Variants in RPH3AL observed in about 807,000 individuals in gnomAD.
The protein encoded by RPH3AL is rab effector Noc2.
Under a neutral mutation model 43.1 loss-of-function variants are expected in RPH3AL, and 38 were observed. That is an observed-to-expected ratio of 0.88 (90% confidence interval 0.68 to 1.15). The LOEUF is 1.15. Ranked by LOEUF, RPH3AL falls within the 50% of genes most tolerant of loss-of-function variation. RPH3AL has a pLI of 0.00. For synonymous variants in RPH3AL, 189 were observed against 176.3 expected (o/e 1.07, Z -0.57); for missense variants, 462 against 423.2 (o/e 1.09, Z -0.81).
At chr17:263,384 G>C (rs1049839599) in intron 6 of RPH3AL, among the ~76,000 whole-genome samples, 1 of 152,174 alleles carries the variant, frequency 6.6e-6, no homozygotes, top group Non-Finnish European at 1.5e-5. Context: ...GCATGGCCAG[G>C]AGTCAATAGA....
chr17:219,965 G>A (rs1264054544), intron 7 of RPH3AL, among the ~76,000 whole-genome samples: 2 of 152,284 alleles, frequency 1.3e-5, no homozygotes, highest in East Asian at 1.9e-4. Flanking sequence ...CTGGGCTCAG[G>A]CTGACCAGCA....
intron 6 of RPH3AL, among the ~76,000 whole-genome samples, chr17:262,708 G>A (rs548583993): frequency 2.6e-5 from 4 of 152,092 alleles, no homozygotes; most frequent in Admixed American, 2.0e-4. Flanking sequence ...ACCATCAAAC[G>A]AATCCTAAGC....
intron 6 of RPH3AL, among the ~76,000 whole-genome samples, chr17:260,060 CCGTGCCACCCTGAG>C (rs2042163996): frequency 6.6e-6 from 1 of 152,202 alleles, no homozygotes; most frequent in African/African-American, 2.4e-5. Flanking sequence ...ACTCCCTCTC[CCGTGCCACCCTGAG>C]AGTGCACCTG....
intron 6 of RPH3AL, among the ~76,000 whole-genome samples, chr17:251,600 C>A (rs1407397622): frequency 1.3e-5 from 2 of 152,248 alleles, no homozygotes; most frequent in Non-Finnish European, 2.9e-5. Flanking sequence ...CCCTTAGTGT[C>A]CTACAGGCAG....
chr17:216,839 C>T (rs1406940108), intron 8 of RPH3AL, among the ~76,000 whole-genome samples: 3 of 152,108 alleles, frequency 2.0e-5, no homozygotes, highest in Non-Finnish European at 4.4e-5. Flanking sequence ...ATCATGATCA[C>T]CTAGTAATGT....
At chr17:247,538 T>G (rs1046171310) in intron 6 of RPH3AL, 1 of 462,064 alleles carries the variant, frequency 2.2e-6, no homozygotes, top group Non-Finnish European at 3.8e-6. Flanking sequence ...CAGGCTGGAG[T>G]GCAGTGGTGC....
At chr17:292,566 C>T (rs1308248311) in intron 5 of RPH3AL, among the ~76,000 whole-genome samples, 1 of 152,136 alleles carries the variant, frequency 6.6e-6, no homozygotes, top group African/African-American at 2.4e-5. Flanking sequence ...ACCTGGGATG[C>T]GAACCCTGTT....
chr17:330,179 TCCAGGC>T (rs1033309015), intron 2 of RPH3AL, among the ~76,000 whole-genome samples: 2 of 152,108 alleles, frequency 1.3e-5, no homozygotes, highest in Non-Finnish European at 2.9e-5. Context: ...CCACACAGGG[TCCAGGC>T]CACAACCTTA....
At chr17:271,391 A>T (rs1467447708) in intron 6 of RPH3AL, among the ~76,000 whole-genome samples, 2 of 152,172 alleles carry the variant, frequency 1.3e-5, no homozygotes, top group Non-Finnish European at 2.9e-5. Flanking sequence ...CACAATATTG[A>T]TTCTTCCTAT....
In RPH3AL at chr17:333,257, G is replaced by T. The variant is rs1460749097; in HGVS notation, c.-37+502C>A. ...CACTGCAGACATCACTGCAGACACAGAGACGGCCATTATGCAGCCTCACGT... is the reference window on the plus strand; with the variant it reads ...CACTGCAGACATCACTGCAGACACATAGACGGCCATTATGCAGCCTCACGT... On this transcript the variant is annotated intron_variant, in intron 2 of 9. Coordinates refer to ENST00000331302, the MANE Select transcript of RPH3AL (RefSeq NM_006987.4). The surrounding 1 kb of genome is among the most constrained non-coding windows in gnomAD (Gnocchi z 4.5). 1 of 1,286,878 alleles carries T rather than the reference G, an allele frequency of 7.8e-7. No individual in the cohort carries two copies. Among genetic ancestry groups the T allele is most frequent in the Non-Finnish European group, 1.0e-6 (1 of 988,484 alleles). The allele number at this position is 1,286,878 out of a possible 1,614,324, so 79.7% of individuals were successfully genotyped here.
At chr17:315,326 T>G (rs62053757) in intron 5 of RPH3AL, among the ~76,000 whole-genome samples, 351 of 39,300 alleles carry the variant, frequency 8.9e-3, no homozygotes, top group Admixed American at 0.029. Context: ...TGACCCCACC[T>G]CCACTGACCT....
chr17:317,808 A>G (rs2044333942), intron 5 of RPH3AL, among the ~76,000 whole-genome samples: 2 of 152,070 alleles, frequency 1.3e-5, no homozygotes, highest in South Asian at 2.1e-4. Context: ...TGCCCCTGAA[A>G]ATGCCCTCAA....
At chr17:252,345 G>C (rs2041925675) in intron 6 of RPH3AL, among the ~76,000 whole-genome samples, 1 of 152,076 alleles carries the variant, frequency 6.6e-6, no homozygotes, top group African/African-American at 2.4e-5. Flanking sequence ...AAAGTAAAAT[G>C]AAACTAGGCC....
rs149963505 is a variant in RPH3AL, at chr17:262,850, T to A, written c.439-15565A>T. Among the ~76,000 whole-genome samples the A allele has an allele frequency of 1.6e-4, 25 of 152,256 alleles. No individual in the cohort carries two copies. In the East Asian group the frequency reaches 4.8e-3, roughly 30 times the overall value. On this transcript the variant is annotated intron_variant, in intron 6 of 9. Transcript: ENST00000331302. ...TATGCCACAAAGCCTGCAGGGTTATTCAGTCCGACCCCACTTTGCTTTCCC... is the reference window on the plus strand; with the variant it reads ...TATGCCACAAAGCCTGCAGGGTTATACAGTCCGACCCCACTTTGCTTTCCC...
intron 5 of RPH3AL, among the ~76,000 whole-genome samples, chr17:284,148 C>T (rs993927336): frequency 2.0e-5 from 3 of 152,056 alleles, no homozygotes; most frequent in Admixed American, 1.3e-4. Context: ...CTGAACGAGG[C>T]GATGCTGCGG....
chr17:307,295 TCCCACGGCAGGTCCTC>T (rs70954496), intron 5 of RPH3AL, among the ~76,000 whole-genome samples: 86,579 of 96,496 alleles, frequency 0.9, 38,752 homozygotes, highest in Non-Finnish European at 0.95. Context: ...GGCAGGTCCA[TCCCACGGCAGGTCCTC>T]CCCACGGCAG....
At chr17:324,700 TAGCTATGTAC>T (rs1567524380) in intron 3 of RPH3AL, among the ~76,000 whole-genome samples, 1 of 143,114 alleles carries the variant, frequency 7.0e-6, no homozygotes, top group African/African-American at 2.5e-5. Context: ...TCTAGCTAGC[TAGCTATGTAC>T]CTATCTATCT....
At chr17:241,118 G>A (rs938161524) in intron 7 of RPH3AL, among the ~76,000 whole-genome samples, 2 of 150,582 alleles carry the variant, frequency 1.3e-5, no homozygotes, top group Non-Finnish European at 2.9e-5. Flanking sequence ...GCCAAGGATG[G>A]TGGCTCATGC....
At chr17:266,126 G>C (rs563121123) in intron 6 of RPH3AL, among the ~76,000 whole-genome samples, 2 of 152,214 alleles carry the variant, frequency 1.3e-5, no homozygotes, top group African/African-American at 2.4e-5. Flanking sequence ...TGAGGTGTGA[G>C]CTCAAAGCGA....
Sources: gnomAD v4.1 joint callset for allele counts (sites outside exome capture counted in the v4.1 genomes callset) on GRCh38, gnomAD v4.1.1 for gene constraint, Gnocchi (gnomAD v3.1) non-coding constraint, MANE v1.5 for transcripts, NCBI Gene and HGNC (gene_info 2026-07-23, HGNC 2026-07-21) for gene names.